SIPA1L3: variants seen among roughly 807,000 people sequenced by gnomAD.
The protein encoded by SIPA1L3 is signal-induced proliferation-associated 1-like protein 3.
SIPA1L3 carries 59 observed loss-of-function variants against 150.1 expected under a neutral mutation model. The observed-to-expected ratio is 0.39, with a 90% CI of 0.32 to 0.49. The LOEUF (loss-of-function observed/expected upper bound fraction) is 0.49, where lower values mean the gene tolerates loss of function less well. Among genes scored for constraint, SIPA1L3 ranks in the 20% least tolerant of loss-of-function variants. The pLI is 0.86. For missense variants in SIPA1L3, 2,211 were observed against 2,489.5 expected (o/e 0.89, Z 2.38); for synonymous variants, 1,070 against 1,077.6 (o/e 0.99, Z 0.14).
rs1373326877 is a variant in SIPA1L3 at position 38,164,915 on chromosome 19, T to C, written c.4208+9T>C. 6.6e-7 allele frequency: 1 copy of C among 1,524,136 alleles called. No homozygotes were observed. 94.4% of individuals were successfully genotyped at this position (1,524,136 alleles called of 1,614,324 possible). On this transcript the variant is annotated intron_variant, in intron 15 of 21. Coordinates refer to ENST00000222345, the MANE Select transcript of SIPA1L3 (RefSeq NM_015073.3). This position sits in a 1 kb window ranked among gnomAD's most constrained non-coding sequence, Gnocchi z 4.1. ...CCACCGAGGCAGCCCAGGTAAGCTGTTGCACCTAGTCTGGGTTCTAACCAC... is the reference window on the plus strand; with the variant it reads ...CCACCGAGGCAGCCCAGGTAAGCTGCTGCACCTAGTCTGGGTTCTAACCAC...
chr19:37,980,528 G>A (rs1967177248), intron 1 of SIPA1L3, among the ~76,000 whole-genome samples: 2 of 152,206 alleles, frequency 1.3e-5, no homozygotes, highest in Non-Finnish European at 2.9e-5. Flanking sequence ...ATTCTAGGCA[G>A]AGGGAACAGT....
chr19:38,085,138 T>C (rs1970097574), intron 3 of SIPA1L3, among the ~76,000 whole-genome samples: 1 of 151,966 alleles, frequency 6.6e-6, no homozygotes, highest in Non-Finnish European at 1.5e-5. Flanking sequence ...ATTATATCAA[T>C]ATCACATGCA....
intron 19 of SIPA1L3, 46 bp downstream of exon 19, chr19:38,198,578 T>C (rs769981161): frequency 1.4e-5 from 20 of 1,427,296 alleles, no homozygotes; most frequent in Non-Finnish European, 1.7e-5. Flanking sequence ...CCCCGTCCTC[T>C]GTTCTAGAGG....
chr19:38,107,593 G>A lies in SIPA1L3; in HGVS notation c.2133+953G>A, dbSNP rs187433420. Among the ~76,000 whole-genome samples, 14 of 152,338 alleles carry A rather than the reference G, an allele frequency of 9.2e-5. No homozygotes were observed. In the East Asian group the frequency reaches 2.3e-3, roughly 25 times the overall value. On this transcript the variant is annotated intron_variant, in intron 7 of 21. Coordinates refer to ENST00000222345, the MANE Select transcript of SIPA1L3 (RefSeq NM_015073.3). ...CTGACAGTTTAGGAAGTAAGTGTAC[G>A]TATTTTCCCAGTTGGCACAAGTGAC...
At chr19:38,157,665 G>T (rs1276133216) in intron 13 of SIPA1L3, among the ~76,000 whole-genome samples, 1 of 152,156 alleles carries the variant, frequency 6.6e-6, no homozygotes, top group Non-Finnish European at 1.5e-5. Flanking sequence ...AGGAAGGCCA[G>T]CAGGTCACCG....
At chr19:38,134,807 G>A (rs1223892640) in intron 10 of SIPA1L3, among the ~76,000 whole-genome samples, 1 of 151,524 alleles carries the variant, frequency 6.6e-6, no homozygotes, top group African/African-American at 2.4e-5. Context: ...TGTGAGGACT[G>A]TAAAGGGCAC....
chr19:38,002,293 G>A (rs1028206901), intron 1 of SIPA1L3, among the ~76,000 whole-genome samples: 21 of 152,010 alleles, frequency 1.4e-4, no homozygotes, highest in African/African-American at 4.8e-4. Context: ...GGAATCATCC[G>A]GTATTTGTCC....
intron 1 of SIPA1L3, among the ~76,000 whole-genome samples, chr19:37,917,964 C>T (rs2046426753): frequency 6.6e-6 from 1 of 151,854 alleles, no homozygotes; most frequent in Non-Finnish European, 1.5e-5. Context: ...GTGATTGTGC[C>T]ACTGCACTCC....
chr19:37,931,462 T>G (rs2046552938), intron 1 of SIPA1L3, among the ~76,000 whole-genome samples: 1 of 150,538 alleles, frequency 6.6e-6, no homozygotes, highest in Non-Finnish European at 1.5e-5. Context: ...AAGTAGTGGT[T>G]AAGGCCGGCC....
intron 13 of SIPA1L3, among the ~76,000 whole-genome samples, chr19:38,158,016 G>A (rs1484898653): frequency 2.6e-5 from 4 of 152,280 alleles, no homozygotes; most frequent in Admixed American, 1.3e-4. Flanking sequence ...CAAGGCAGGC[G>A]GATCACTTGA....
In SIPA1L3 at chr19:38,198,512, A is replaced by G. The variant is rs1361245030; in HGVS notation, c.4964A>G (p.Asn1655Ser). 6.3e-7 allele frequency: 1 copy of G among 1,584,220 alleles called. No homozygotes were observed. The highest frequency in any genetic ancestry group is 8.6e-7 in the Non-Finnish European group (1 of 1,166,502). ...AAGLEWSSLV[N>S]AAKAYEVQRA... ...GGCCTCGAGTGGTCCAGCCTGGTGAACGCAGCCAAGGCATACGAAGGTAGG... is the reference window on the plus strand; with the variant it reads ...GGCCTCGAGTGGTCCAGCCTGGTGAGCGCAGCCAAGGCATACGAAGGTAGG... Residue 1655 changes from asparagine to serine, a missense_variant, in exon 19 of 22, where the codon AAC becomes AGC. Coordinates refer to ENST00000222345, the MANE Select transcript of SIPA1L3 (RefSeq NM_015073.3).
chr19:37,944,722 G>T (rs1379962082), intron 1 of SIPA1L3, among the ~76,000 whole-genome samples: 2 of 152,002 alleles, frequency 1.3e-5, no homozygotes, highest in Non-Finnish European at 2.9e-5. Flanking sequence ...AGGCTGAGGC[G>T]GGCAGATCAC....
rs573590541 is a variant in SIPA1L3, at chr19:38,029,168, G to A, written c.-311+12G>A. Reference sequence around the variant, plus strand: ...AGAAGGCACTAAGGGTGAGTAAGGCGTGGCTGCTGGTTTGCTTAGAATTTT... The same window carrying A: ...AGAAGGCACTAAGGGTGAGTAAGGCATGGCTGCTGGTTTGCTTAGAATTTT... On this transcript the variant is annotated intron_variant, in intron 2 of 21. Transcript: ENST00000222345. The A allele has an allele frequency of 6.6e-6, 1 of 152,230 alleles. No individual in the cohort carries two copies. Among genetic ancestry groups the A allele is most frequent in the African/African-American group, 2.4e-5 (1 of 41,530 alleles). The allele number at this position is 152,230 out of a possible 1,614,324, so 9.4% of individuals were successfully genotyped here. A position where few individuals can be genotyped will look rare whatever the true frequency, so the allele number is the denominator to read the frequency against.
At chr19:37,925,696 C>A (rs925920708) in intron 1 of SIPA1L3, among the ~76,000 whole-genome samples, 4 of 148,158 alleles carry the variant, frequency 2.7e-5, no homozygotes, top group African/African-American at 1.0e-4. Context: ...CAGGTTCAAG[C>A]GATTCTCCTG....
chr19:38,005,952 G>A (rs113735053), intron 1 of SIPA1L3, among the ~76,000 whole-genome samples: 4 of 152,208 alleles, frequency 2.6e-5, no homozygotes, highest in East Asian at 1.9e-4. Flanking sequence ...GGAGGCTGAG[G>A]GGGGAAGATT....
intron 2 of SIPA1L3, among the ~76,000 whole-genome samples, chr19:38,063,904 G>A (rs1390665316): frequency 5.9e-5 from 9 of 152,208 alleles, no homozygotes; most frequent in Non-Finnish European, 1.2e-4. Context: ...GCTGGAGCCG[G>A]GGAGATCCCT....
At chr19:37,957,113 G>A (rs59616348) in intron 1 of SIPA1L3, among the ~76,000 whole-genome samples, 29,603 of 152,110 alleles carry the variant, frequency 0.19, 2,916 homozygotes, top group Middle Eastern at 0.29. Flanking sequence ...TAATATAAGG[G>A]TTTGTTTCTT....
intron 9 of SIPA1L3, among the ~76,000 whole-genome samples, chr19:38,123,996 G>A (rs548137855): frequency 1.2e-4 from 18 of 146,796 alleles, no homozygotes; most frequent in South Asian, 4.4e-4. Context: ...CCTCCCTCCC[G>A]GACGGGGCGG....
intron 1 of SIPA1L3, among the ~76,000 whole-genome samples, chr19:37,945,735 T>C (rs967469661): frequency 6.6e-6 from 1 of 152,222 alleles, no homozygotes; most frequent in Admixed American, 6.5e-5. Flanking sequence ...TTGAACATAC[T>C]GGCTGTTCCC....
Sources: allele counts gnomAD v4.1 joint callset (sites outside exome capture counted in the v4.1 genomes callset), GRCh38; gene constraint gnomAD v4.1.1; non-coding constraint Gnocchi (gnomAD v3.1); transcripts MANE v1.5; gene names NCBI Gene and HGNC (gene_info 2026-07-23, HGNC 2026-07-21).